Variants in GNA14 observed in about 807,000 individuals in gnomAD.
GNA14 encodes the protein G protein subunit alpha 14, also known as guanine nucleotide-binding protein subunit alpha-14.
GNA14 carries 50 observed loss-of-function variants against 42.0 expected under a neutral mutation model. That is an observed-to-expected ratio of 1.19 (90% CI 0.95 to 1.51). The LOEUF (loss-of-function observed/expected upper bound fraction) is 1.51, where lower values mean the gene tolerates loss of function less well. Ranked by LOEUF, GNA14 falls within the 40% of genes most tolerant of loss-of-function variation. The probability of loss-of-function intolerance (pLI) is 0.00; values close to 1 mark genes in which losing one functional copy is unlikely to be tolerated. For synonymous variants in GNA14, 173 were observed against 163.1 expected (o/e 1.06, Z -0.46); for missense variants, 473 against 446.2 (o/e 1.06, Z -0.54).
intron 2 of GNA14, among the ~76,000 whole-genome samples, chr9:77,512,273 T>C (rs1837183450): frequency 6.6e-6 from 1 of 152,230 alleles, no homozygotes; most frequent in African/African-American, 2.4e-5. Flanking sequence ...TTGAAGTCAG[T>C]GTTAAAGGGA....
Position 77,431,286 on chromosome 9 carries a change from A to C in GNA14, c.593+35T>G, listed in dbSNP as rs925062604. 9 of 1,600,208 alleles carry C rather than the reference A, an allele frequency of 5.6e-6. No homozygotes were observed. In the Admixed American group the frequency reaches 1.3e-4, roughly 24 times the overall value. On this transcript the variant is annotated intron_variant, in intron 4 of 6. Transcript: ENST00000341700. ...CACCTGGGGACTTCCAAGCCTGGGC[A>C]GATTCTTCATGGTACATCAGGGAGA... is the stretch of plus-strand genomic sequence containing the variant.
At chr9:77,638,585 A>C (rs1205731724) in intron 1 of GNA14, among the ~76,000 whole-genome samples, 1 of 152,256 alleles carries the variant, frequency 6.6e-6, no homozygotes. Context: ...TGAAAAACAC[A>C]AAGGTGAGTT....
At chr9:77,560,410 T>A (rs1364636345) in intron 1 of GNA14, among the ~76,000 whole-genome samples, 1 of 148,780 alleles carries the variant, frequency 6.7e-6, no homozygotes, top group African/African-American at 2.5e-5. Flanking sequence ...CACCTCAGCC[T>A]CCCAGGTAGC....
intron 2 of GNA14, among the ~76,000 whole-genome samples, chr9:77,514,128 T>G (rs891563298): frequency 6.6e-6 from 1 of 152,178 alleles, no homozygotes; most frequent in African/African-American, 2.4e-5. Context: ...TAGGGCCCCA[T>G]GCCAGGCTTT....
At chr9:77,607,214 C>A (rs562891185) in intron 1 of GNA14, among the ~76,000 whole-genome samples, 1 of 152,256 alleles carries the variant, frequency 6.6e-6, no homozygotes, top group Non-Finnish European at 1.5e-5. Context: ...ATAAATAGAA[C>A]AGTTACCACA....
chr9:77,434,677 A>G (rs1835614925), intron 2 of GNA14, among the ~76,000 whole-genome samples, 155 bp from the exon 3 acceptor site: 1 of 152,192 alleles, frequency 6.6e-6, no homozygotes, highest in Non-Finnish European at 1.5e-5. Context: ...CTCACAGCCA[A>G]GACACCCACT....
chr9:77,470,131 G>A (rs1050103616), intron 2 of GNA14, among the ~76,000 whole-genome samples: 7 of 152,152 alleles, frequency 4.6e-5, no homozygotes, highest in Non-Finnish European at 1.0e-4. Flanking sequence ...TCTGGAGGCG[G>A]AGAATGCTCA....
At chr9:77,561,142 T>G (rs560712838) in intron 1 of GNA14, among the ~76,000 whole-genome samples, 3 of 152,182 alleles carry the variant, frequency 2.0e-5, no homozygotes, top group African/African-American at 7.2e-5. Flanking sequence ...AATTAAGGTG[T>G]CACCAGGTAC....
chr9:77,625,534 C>A (rs1824000253), intron 1 of GNA14, among the ~76,000 whole-genome samples: 1 of 152,234 alleles, frequency 6.6e-6, no homozygotes, highest in Admixed American at 6.5e-5. Flanking sequence ...AACAGCTGAT[C>A]TTTCAGCAGA....
At chr9:77,515,516 C>T (rs1419088641) in intron 2 of GNA14, among the ~76,000 whole-genome samples, 4 of 152,174 alleles carry the variant, frequency 2.6e-5, no homozygotes, top group Non-Finnish European at 5.9e-5. Flanking sequence ...GGGTTCCCCG[C>T]CCTTAAAATG....
At chr9:77,539,121 T>C (rs181839209) in intron 1 of GNA14, among the ~76,000 whole-genome samples, 92 of 152,314 alleles carry the variant, frequency 6.0e-4, no homozygotes, top group Non-Finnish European at 1.2e-3. Flanking sequence ...CTTGTCCCAG[T>C]TCAGTATGAT....
chr9:77,509,791 T>G (rs1364684759), intron 2 of GNA14, among the ~76,000 whole-genome samples: 1 of 152,130 alleles, frequency 6.6e-6, no homozygotes, highest in African/African-American at 2.4e-5. Context: ...AAAACGGCAA[T>G]TACTTTTGCA....
At chr9:77,504,564 GA>G (rs1837032478) in intron 2 of GNA14, among the ~76,000 whole-genome samples, 1 of 149,606 alleles carries the variant, frequency 6.7e-6, no homozygotes, top group Non-Finnish European at 1.5e-5. Flanking sequence ...GAGAGAGAGA[GA>G]GAGAGAAACA....
chr9:77,539,475 T>G (rs1329027656), intron 1 of GNA14, among the ~76,000 whole-genome samples: 2 of 152,202 alleles, frequency 1.3e-5, no homozygotes, highest in East Asian at 3.9e-4. Context: ...TTTCTTTTTC[T>G]GTTGTGTCCT....
In GNA14 at chr9:77,423,947, TTC is replaced by T. The variant is rs1835412684; in HGVS notation, c.*30_*31del. On this transcript the variant is annotated 3_prime_UTR_variant, in exon 7 of 7. Transcript: ENST00000341700. ...AAACAAGGAGTTTGCAAATCACATC[TTC>T]TGTTATAGGGGAGGAGTGGGCAGCA... The T allele has an allele frequency of 1.4e-6, 2 of 1,479,006 alleles. No individual in the cohort carries two copies. Among genetic ancestry groups the T allele is most frequent in the Non-Finnish European group, 1.8e-6 (2 of 1,094,600 alleles). 91.6% of individuals were successfully genotyped at this position (1,479,006 alleles called of 1,614,324 possible).
chr9:77,472,788 ATCTCTCTCTCTC>A (rs34429720), intron 2 of GNA14, among the ~76,000 whole-genome samples: 1 of 142,018 alleles, frequency 7.0e-6, no homozygotes, highest in African/African-American at 2.6e-5. Context: ...ACATGACATG[ATCTCTCTCTCTC>A]TCTCTCTCTC....
intron 1 of GNA14, among the ~76,000 whole-genome samples, chr9:77,635,822 G>T (rs555211751): frequency 4.6e-5 from 7 of 152,134 alleles, no homozygotes; most frequent in African/African-American, 1.4e-4. Context: ...ACCTGGCCCC[G>T]TGACATCTGC....
intron 1 of GNA14, among the ~76,000 whole-genome samples, chr9:77,642,979 C>A (rs1026212689): frequency 2.6e-5 from 4 of 152,148 alleles, no homozygotes; most frequent in Non-Finnish European, 4.4e-5. Context: ...TCAAGGCCCA[C>A]TCAGATGATG....
chr9:77,470,980 T>C (rs1272881767), intron 2 of GNA14, among the ~76,000 whole-genome samples: 1 of 152,016 alleles, frequency 6.6e-6, no homozygotes, highest in Non-Finnish European at 1.5e-5. Context: ...CTCCCCAACA[T>C]TGGGAGTTAC....
Sources: gnomAD v4.1 joint callset for allele counts (sites outside exome capture counted in the v4.1 genomes callset) on GRCh38, gnomAD v4.1.1 for gene constraint, MANE v1.5 for transcripts, NCBI Gene and HGNC (gene_info 2026-07-23, HGNC 2026-07-21) for gene names.